Variants in PCDHGA2 observed in about 807,000 individuals in gnomAD.
The protein encoded by PCDHGA2 is protocadherin gamma-A2.
A neutral mutation model predicts 59.2 loss-of-function variants in PCDHGA2; 40 were observed. That is an observed-to-expected ratio of 0.68 (90% confidence interval 0.52 to 0.88). The LOEUF (loss-of-function observed/expected upper bound fraction) is 0.88. Ranked by LOEUF, PCDHGA2 falls within the 40% of genes least tolerant of loss-of-function variation. The probability of loss-of-function intolerance (pLI) is 0.00; values close to 1 mark genes in which losing one functional copy is unlikely to be tolerated. For missense variants in PCDHGA2, 1,226 were observed against 1,204.0 expected (o/e 1.02, Z -0.27); for synonymous variants, 560 against 526.0 (o/e 1.06, Z -0.89).
chr5:141,393,504 A>T, intron 1 of PCDHGA2: 1 of 1,614,036 alleles, frequency 6.2e-7, no homozygotes. Flanking sequence ...CATCCACGTG[A>T]CAGTGTTGGA....
chr5:141,490,313 C>G lies in PCDHGA2; in HGVS notation c.2425-4494C>G. The G allele has an allele frequency of 6.2e-7, 1 of 1,614,222 alleles. No individual in the cohort carries two copies. The highest frequency in any genetic ancestry group is 8.5e-7 in the Non-Finnish European group (1 of 1,180,024). Reference sequence around the variant, plus strand: ...GTGCTATTGGCCTCTTTGGCCAACCCTGTCCTAGAGAGCACACCAGTGGGC... The same window carrying G: ...GTGCTATTGGCCTCTTTGGCCAACCGTGTCCTAGAGAGCACACCAGTGGGC... On this transcript the variant is annotated intron_variant, in intron 1 of 3. Transcript: ENST00000394576. The surrounding 1 kb of genome is among the most constrained non-coding windows in gnomAD (Gnocchi z 5.4).
At chr5:141,374,607 AT>A in intron 1 of PCDHGA2, 5 of 1,613,660 alleles carry the variant, frequency 3.1e-6, no homozygotes, top group Non-Finnish European at 4.2e-6. Flanking sequence ...CTCAGTGGTA[AT>A]AGTCACTTCT....
rs375436846 is a variant in PCDHGA2, at chr5:141,399,581, A to T, written c.2424+58186A>T. ...TTGGGGTTGAACGGCCAAGTCTCCT[A>T]CTCTATCATGGCCAGCGACCTAGAG... is the stretch of plus-strand genomic sequence containing the variant. On this transcript the variant is annotated intron_variant, in intron 1 of 3. Coordinates refer to ENST00000394576, the MANE Select transcript of PCDHGA2 (RefSeq NM_018915.4). 9.9e-6 allele frequency: 16 copies of T among 1,613,788 alleles called. No homozygotes were observed. The African/African-American group carries it at 1.9e-4, about 19-fold the overall frequency.
In PCDHGA2 at chr5:141,454,796, A is replaced by ATTTT. The variant is rs61612330; in HGVS notation, c.2425-39985_2425-39982dup. Among the ~76,000 whole-genome samples, 123 of 77,452 alleles carry ATTTT rather than the reference A, an allele frequency of 1.6e-3. 16 individuals are homozygous for ATTTT. The highest frequency in any genetic ancestry group is 7.2e-3 in the South Asian group (14 of 1,958). 50.8% of individuals were successfully genotyped at this position (77,452 alleles called of 152,430 possible). On this transcript the variant is annotated intron_variant, in intron 1 of 3. Coordinates refer to ENST00000394576, the MANE Select transcript of PCDHGA2 (RefSeq NM_018915.4). ...AAGGAAATAATCCTCCATGGTTCTAATTTTTTTTTTTTTTTTTTTTTTTTT... is the reference window on the plus strand; with the variant it reads ...AAGGAAATAATCCTCCATGGTTCTAATTTTTTTTTTTTTTTTTTTTTTTTTTTTT...
At chr5:141,478,165 C>G (rs780594020) in intron 1 of PCDHGA2, 13 of 1,613,920 alleles carry the variant, frequency 8.1e-6, no homozygotes, top group African/African-American at 1.3e-5. Flanking sequence ...GCTCTGCCCC[C>G]CGGGAGCAGA....
chr5:141,361,370 GGGA>G, intron 1 of PCDHGA2: 1 of 1,613,942 alleles, frequency 6.2e-7, no homozygotes. Context: ...GCTCTGGACC[GGGA>G]GGAGATCCCA....
At chr5:141,362,453 A>T in intron 1 of PCDHGA2, 1 of 1,614,024 alleles carries the variant, frequency 6.2e-7, no homozygotes, top group Non-Finnish European at 8.5e-7. Context: ...ATAACCCCGG[A>T]ATTGGTTCCC....
At chr5:141,446,098 A>G (rs375135134) in intron 1 of PCDHGA2, among the ~76,000 whole-genome samples, 2 of 152,350 alleles carry the variant, frequency 1.3e-5, no homozygotes, top group African/African-American at 4.8e-5. Flanking sequence ...TGGATGAATT[A>G]TAGATATATT....
intron 1 of PCDHGA2, chr5:141,393,367 G>C: frequency 1.2e-6 from 2 of 1,613,962 alleles, no homozygotes; most frequent in Middle Eastern, 1.6e-4. Context: ...GTGCAGACTG[G>C]AGACAATGGA....
chr5:141,475,984 G>C (rs1282216343), intron 1 of PCDHGA2: 1 of 1,069,308 alleles, frequency 9.4e-7, no homozygotes, highest in Non-Finnish European at 1.3e-6. Flanking sequence ...AACAGCCGGC[G>C]AGCAAATCAA....
chr5:141,457,806 G>A (rs1321207711), intron 1 of PCDHGA2, among the ~76,000 whole-genome samples: 1 of 152,150 alleles, frequency 6.6e-6, no homozygotes, highest in Non-Finnish European at 1.5e-5. Context: ...CTCCTCTTGA[G>A]GTCCCAAGAT....
rs1222348421 is a variant in PCDHGA2, at chr5:141,511,044, C to T, written c.2670C>T (p.Asp890=). 1 of 1,614,128 alleles carries T rather than the reference C, an allele frequency of 6.2e-7. No homozygotes were observed. The highest frequency in any genetic ancestry group is 1.3e-5 in the African/African-American group (1 of 74,940). ...GPQFTLQHVP[D]YRQNVYIPGS... is the part of the protein sequence containing the mutation. ...AGTTCACCCTGCAGCACGTGCCCGA[C>T]TACCGCCAGAATGTCTACATCCCAG... The change falls in exon 4 of 4, where the codon GAC becomes GAT. Residue 890 remains aspartate, a synonymous_variant. Coordinates refer to ENST00000394576, the MANE Select transcript of PCDHGA2 (RefSeq NM_018915.4).
At chr5:141,422,934 C>T in intron 1 of PCDHGA2, 1 of 1,614,254 alleles carries the variant, frequency 6.2e-7, no homozygotes, top group Non-Finnish European at 8.5e-7. Context: ...CTGCCCTCCC[C>T]ACAGACGGCT....
Position 141,486,662 on chromosome 5 carries a change from C to T in PCDHGA2, c.2425-8145C>T. 6.2e-7 allele frequency: 1 copy of T among 1,613,970 alleles called. No homozygotes were observed. The highest frequency in any genetic ancestry group is 1.1e-5 in the South Asian group (1 of 91,086). ...GCTTATCTCCTACTCACTCCTGGAG[C>T]CCAGGAATCGAGATGTATCAGCTTC... On this transcript the variant is annotated intron_variant, in intron 1 of 3. Coordinates refer to ENST00000394576, the MANE Select transcript of PCDHGA2 (RefSeq NM_018915.4). The surrounding 1 kb of genome is among the most constrained non-coding windows in gnomAD (Gnocchi z 5.0).
chr5:141,477,031 A>G lies in PCDHGA2; in HGVS notation c.2425-17776A>G. 2 of 1,614,248 alleles carry G rather than the reference A, an allele frequency of 1.2e-6. No homozygotes were observed. The highest frequency in any genetic ancestry group is 2.2e-5 in the East Asian group (1 of 44,880). On this transcript the variant is annotated intron_variant, in intron 1 of 3. Transcript: ENST00000394576. This position sits in a 1 kb window ranked among gnomAD's most constrained non-coding sequence, Gnocchi z 4.9. ...TAGACCTTGTAACCGGGATGCTGAC[A>G]ATCAAGGGTCGGCTGGACTTCGAGG...
chr5:141,415,786 A>ATT, intron 1 of PCDHGA2: 2 of 1,374,914 alleles, frequency 1.5e-6, no homozygotes, highest in Non-Finnish European at 1.9e-6. Flanking sequence ...TTCTGGTAAA[A>ATT]TTCACCTAGT....
Position 141,393,255 on chromosome 5 carries a change from C to G in PCDHGA2, c.2424+51860C>G, listed in dbSNP as rs201229959. 2.3e-4 allele frequency: 367 copies of G among 1,613,786 alleles called. No individual in the cohort carries two copies. Among genetic ancestry groups the G allele is most frequent in the Non-Finnish European group, 2.9e-4 (338 of 1,179,916 alleles). On this transcript the variant is annotated intron_variant, in intron 1 of 3. Coordinates refer to ENST00000394576, the MANE Select transcript of PCDHGA2 (RefSeq NM_018915.4). ...AGTAAAAATTAACGAAATCGCGGTT[C>G]CTGGAGCACGTTATCCACTCCCAGA...
At chr5:141,470,388 T>C (rs1234907080) in intron 1 of PCDHGA2, among the ~76,000 whole-genome samples, 4 of 152,198 alleles carry the variant, frequency 2.6e-5, no homozygotes, top group African/African-American at 9.6e-5. Flanking sequence ...TACTCGATGA[T>C]ATTTAGGATT....
At chr5:141,438,232 GT>G (rs531572606) in intron 1 of PCDHGA2, among the ~76,000 whole-genome samples, 207 of 152,154 alleles carry the variant, frequency 1.4e-3, no homozygotes, top group Middle Eastern at 0.01. Flanking sequence ...TCAGGAAAAT[GT>G]TTTTAAAAAA....
Sources: allele counts gnomAD v4.1 joint callset (sites outside exome capture counted in the v4.1 genomes callset), GRCh38; gene constraint gnomAD v4.1.1; non-coding constraint Gnocchi (gnomAD v3.1); transcripts MANE v1.5; gene names NCBI Gene and HGNC (gene_info 2026-07-23, HGNC 2026-07-21).